Variants in INPP1 observed in about 807,000 individuals in gnomAD.
INPP1 encodes the protein inositol polyphosphate-1-phosphatase, also known as inositol polyphosphate 1-phosphatase.
INPP1 carries 18 observed loss-of-function variants against 23.0 expected under a neutral mutation model. That is an observed-to-expected ratio of 0.78 (90% CI 0.54 to 1.16). The LOEUF is 1.16. Ranked by LOEUF, INPP1 falls within the 50% of genes most tolerant of loss-of-function variation. The pLI is 0.00. For missense variants in INPP1, 448 were observed against 482.1 expected (o/e 0.93, Z 0.66); for synonymous variants, 164 against 176.3 (o/e 0.93, Z 0.55).
chr2:190,371,053 T>C lies in INPP1; in HGVS notation c.851T>C (p.Ile284Thr), dbSNP rs1166705505. ...TTGTCACGTGTGTGTGGAGATCGCA[T>C]ATTTGGGGCAGCTGGGGCTGGTTAT... ...AALSRVCGDR[I>T]FGAAGAGYKS... The change falls in exon 7 of 7, where the codon ATA (isoleucine) becomes ACA (threonine). Residue 284 changes from isoleucine to threonine, a missense_variant. By Grantham distance (89) the Ile-to-Thr change is moderately conservative (BLOSUM62 -1). Transcript: ENST00000392329. The surrounding 1 kb of genome is among the most constrained non-coding windows in gnomAD (Gnocchi z 5.3). 6.2e-7 allele frequency: 1 copy of C among 1,613,686 alleles called. No homozygotes were observed. Among genetic ancestry groups the C allele is most frequent in the Non-Finnish European group, 8.5e-7 (1 of 1,179,950 alleles).
At position 190,369,092 on chromosome 2, in the gene INPP1, T is replaced by G. The variant is rs2124945749; in HGVS notation, c.467-11T>G. ...TTACCTGAATCCAAACACATTTGTT[T>G]CCTTTTTCAGATTCAACTTATCAGT... On this transcript the variant is annotated splice_polypyrimidine_tract_variant and intron_variant, in intron 5 of 6. Transcript: ENST00000392329. 1 of 1,530,578 alleles carries G rather than the reference T, an allele frequency of 6.5e-7. No homozygotes were observed. Among genetic ancestry groups the G allele is most frequent in the South Asian group, 1.2e-5 (1 of 80,240 alleles). 94.8% of individuals were successfully genotyped at this position (1,530,578 alleles called of 1,614,324 possible). A position where few individuals can be genotyped will look rare whatever the true frequency, so the allele number is the denominator to read the frequency against.
rs138148655 is a variant in INPP1, at chr2:190,347,723, GT to G, written c.-208-1164del. Among the ~76,000 whole-genome samples the G allele has an allele frequency of 3.3e-3, 501 of 152,326 alleles. 4 individuals carry two copies. Among genetic ancestry groups the G allele is most frequent in the Non-Finnish European group, 5.5e-3 (376 of 68,034 alleles). ...TAGGCTTTGCTCAATGCAAATGAGA[GT>G]AATAATTCATATCAAAGGAGTTAAA... On this transcript the variant is annotated intron_variant, in intron 1 of 6. Coordinates refer to ENST00000392329, the MANE Select transcript of INPP1 (RefSeq NM_001128928.2).
At chr2:190,364,629 T>G (rs1249173147) in intron 4 of INPP1, among the ~76,000 whole-genome samples, 2 of 133,406 alleles carry the variant, frequency 1.5e-5, no homozygotes, top group Non-Finnish European at 3.1e-5. Flanking sequence ...CTCCCTCTGT[T>G]GCCCAGGCTG....
rs1359955563 is a variant in INPP1, at chr2:190,346,057, ATGTTGGGTACTG to A, written c.-209+2098_-209+2109del. Among the ~76,000 whole-genome samples, 1 of 152,166 alleles carries A rather than the reference ATGTTGGGTACTG, an allele frequency of 6.6e-6. No individual in the cohort carries two copies. Among genetic ancestry groups the A allele is most frequent in the Admixed American group, 6.5e-5 (1 of 15,274 alleles). ...TTCTGCTTCCCGTCTCCTGTGATTG[ATGTTGGGTACTG>A]TTTCTCAAACTTGTCTGATTGTAAA... On this transcript the variant is annotated intron_variant, in intron 1 of 6. Coordinates refer to ENST00000392329, the MANE Select transcript of INPP1 (RefSeq NM_001128928.2). This position sits in a 1 kb window ranked among gnomAD's most constrained non-coding sequence, Gnocchi z 5.1.
At chr2:190,348,476 A>G (rs547860255) in intron 1 of INPP1, among the ~76,000 whole-genome samples, 3 of 152,204 alleles carry the variant, frequency 2.0e-5, no homozygotes, top group Non-Finnish European at 4.4e-5. Context: ...TTATGCAACC[A>G]TCAGCACTGT....
intron 1 of INPP1, 22 bp downstream of exon 1, chr2:190,343,983 G>T (rs947157310): frequency 3.3e-6 from 1 of 298,814 alleles, no homozygotes. Context: ...TCCTCCTTAC[G>T]ACACCCACCA....
chr2:190,369,428 A>G (rs1476544590), intron 6 of INPP1, 151 bp downstream of exon 6: 2 of 473,532 alleles, frequency 4.2e-6, no homozygotes, highest in Non-Finnish European at 7.5e-6. Context: ...TTAAAGTTCT[A>G]TTTTCAATCT....
chr2:190,361,149 C>A (rs1333675039), intron 3 of INPP1, among the ~76,000 whole-genome samples: 1 of 152,040 alleles, frequency 6.6e-6, no homozygotes, highest in Non-Finnish European at 1.5e-5. Context: ...AAGGGAGGCA[C>A]AGAGAGGTTA....
intron 2 of INPP1, among the ~76,000 whole-genome samples, chr2:190,357,468 A>G (rs1689440105): frequency 6.6e-6 from 1 of 152,240 alleles, no homozygotes; most frequent in South Asian, 2.1e-4. Flanking sequence ...ACAAATGGAT[A>G]ACATACTCTC....
chr2:190,345,855 G>GTTACCACC lies in INPP1; in HGVS notation c.-209+1895_-209+1896insTACCACCT, dbSNP rs1208654599. On this transcript the variant is annotated intron_variant, in intron 1 of 6. Transcript: ENST00000392329. The surrounding 1 kb of genome is among the most constrained non-coding windows in gnomAD (Gnocchi z 4.9). ...GTAAAAATACAAAAATTAGCCAGGC[G>GTTACCACC]TGGTAGCAAGCACCTGTAGTCCCAG... 7.2e-5 allele frequency among the ~76,000 whole-genome samples: 11 copies of GTTACCACC among 152,224 alleles called. No homozygotes were observed. The East Asian group carries it at 1.4e-3, about 19-fold the overall frequency.
At chr2:190,359,973 G>C (rs978184541) in intron 2 of INPP1, 66 bp from the exon 3 acceptor site, 12 of 843,964 alleles carry the variant, frequency 1.4e-5, no homozygotes, top group Non-Finnish European at 2.2e-5. Context: ...GTTGTTAGTA[G>C]TGCCAGAGGC....
chr2:190,351,599 C>T (rs1314016184), intron 2 of INPP1, among the ~76,000 whole-genome samples: 1 of 152,198 alleles, frequency 6.6e-6, no homozygotes, highest in Admixed American at 6.5e-5. Flanking sequence ...TTTCACTTGA[C>T]AGCATGTTTT....
At chr2:190,344,054 C>A in intron 1 of INPP1, 93 bp downstream of exon 1, 1 of 326,966 alleles carries the variant, frequency 3.1e-6, no homozygotes, top group South Asian at 2.2e-5. Context: ...GTGAGCGGCG[C>A]GCGCCGTCGC....
At position 190,345,713 on chromosome 2, in the gene INPP1, GGC is replaced by G. The variant is rs1272087274; in HGVS notation, c.-209+1753_-209+1754del. 9 of 152,268 alleles carry G rather than the reference GGC, an allele frequency of 5.9e-5. No homozygotes were observed. The highest frequency in any genetic ancestry group is 2.2e-4 in the African/African-American group (9 of 41,468). 9.4% of individuals were successfully genotyped at this position (152,268 alleles called of 1,614,324 possible). Reference sequence around the variant, plus strand: ...CTGAGAGCTTAGAAATAAAGGCTCTGGCTGGCGTGGTGGCTCACGCCTGTTAT... The same window carrying G: ...CTGAGAGCTTAGAAATAAAGGCTCTGTGGCGTGGTGGCTCACGCCTGTTAT... On this transcript the variant is annotated intron_variant, in intron 1 of 6. Transcript: ENST00000392329. The surrounding 1 kb of genome is among the most constrained non-coding windows in gnomAD (Gnocchi z 4.9).
chr2:190,344,231 G>C, intron 1 of INPP1: 1 of 154,826 alleles, frequency 6.5e-6, no homozygotes, highest in African/African-American at 2.4e-5. Flanking sequence ...GAGTCCCGCG[G>C]CGCCCTTGGC....
At chr2:190,351,077 C>T (rs1420145874) in intron 2 of INPP1, among the ~76,000 whole-genome samples, 2 of 152,238 alleles carry the variant, frequency 1.3e-5, no homozygotes, top group Non-Finnish European at 2.9e-5. Context: ...AGGGAAAATT[C>T]ATCAGCCAAC....
chr2:190,353,253 C>T (rs1003443438), intron 2 of INPP1, among the ~76,000 whole-genome samples: 2 of 152,196 alleles, frequency 1.3e-5, no homozygotes, highest in African/African-American at 2.4e-5. Context: ...AAAAATGGCT[C>T]TCCCAAGCCA....
At chr2:190,365,567 T>C (rs567236936) in intron 4 of INPP1, among the ~76,000 whole-genome samples, 69 of 152,334 alleles carry the variant, frequency 4.5e-4, no homozygotes, top group African/African-American at 1.6e-3. Context: ...GATACAAAAT[T>C]GTGCCCACAT....
chr2:190,369,929 T>C (rs970146216), intron 6 of INPP1, among the ~76,000 whole-genome samples: 27 of 152,222 alleles, frequency 1.8e-4, no homozygotes, highest in African/African-American at 6.5e-4. Context: ...TTTTCACTTA[T>C]ATAGGATTAC....
Sources: allele counts gnomAD v4.1 joint callset (sites outside exome capture counted in the v4.1 genomes callset), GRCh38; gene constraint gnomAD v4.1.1; non-coding constraint Gnocchi (gnomAD v3.1); transcripts MANE v1.5; gene names NCBI Gene and HGNC (gene_info 2026-07-23, HGNC 2026-07-21).